Variants in BMPR1A observed in about 807,000 individuals in gnomAD.
BMPR1A encodes the protein bone morphogenetic protein receptor type 1A, also known as bone morphogenetic protein receptor type-1A.
A neutral mutation model predicts 66.0 loss-of-function variants in BMPR1A; 7 were observed. The observed-to-expected ratio is 0.11, with a 90% CI of 0.06 to 0.20. The LOEUF is 0.20. Among genes scored for constraint, BMPR1A ranks in the 10% least tolerant of loss-of-function variants. The probability of loss-of-function intolerance (pLI) is 1.00; values close to 1 mark genes in which losing one functional copy is unlikely to be tolerated. For synonymous variants in BMPR1A, 200 were observed against 229.7 expected, an observed-to-expected ratio of 0.87 and a Z score of 1.17; for missense variants, 408 against 669.1, an observed-to-expected ratio of 0.61 and a Z score of 4.31.
In BMPR1A at chr10:86,782,163, C is replaced by A. The variant is rs112071810; in HGVS notation, c.-268+25244C>A. On this transcript the variant is annotated intron_variant, in intron 1 of 12. Coordinates refer to ENST00000372037, the MANE Select transcript of BMPR1A (RefSeq NM_004329.3). The stretch of plus-strand genomic sequence containing the variant: ...CAGGTGTGAGCCATCATGCCAGGTC[C>A]AGGATTTCTTTAGGGCTGAATAATA... Among the ~76,000 whole-genome samples, 1,052 of 152,182 alleles carry A rather than the reference C, an allele frequency of 6.9e-3. 13 individuals carry two copies. Among genetic ancestry groups the A allele is most frequent in the African/African-American group, 0.024 (998 of 41,552 alleles).
intron 2 of BMPR1A, among the ~76,000 whole-genome samples, chr10:86,867,430 T>A (rs997109674): frequency 6.6e-6 from 1 of 152,218 alleles, no homozygotes; most frequent in Non-Finnish European, 1.5e-5. Context: ...CTGCAATAAC[T>A]GATTCACTTC....
At chr10:86,797,063 C>CTTT in intron 1 of BMPR1A, among the ~76,000 whole-genome samples, 1 of 113,976 alleles carries the variant, frequency 8.8e-6, no homozygotes, top group Admixed American at 9.3e-5. Context: ...TTTTTCTTTT[C>CTTT]TTTTCTTTTT....
At chr10:86,899,135 G>C (rs893685953) in intron 5 of BMPR1A, among the ~76,000 whole-genome samples, 1 of 152,164 alleles carries the variant, frequency 6.6e-6, no homozygotes, top group Admixed American at 6.5e-5. Context: ...TTCTCCCCAG[G>C]CTGCAGCATT....
chr10:86,834,352 C>A (rs1358536406), intron 1 of BMPR1A, among the ~76,000 whole-genome samples: 2 of 152,140 alleles, frequency 1.3e-5, no homozygotes, highest in Non-Finnish European at 2.9e-5. Flanking sequence ...TGAGTTGTTA[C>A]TATTCAATAC....
intron 6 of BMPR1A, 22 bp downstream of exon 6, chr10:86,899,912 G>A (rs1843284191): frequency 3.7e-6 from 6 of 1,611,474 alleles, no homozygotes; most frequent in Admixed American, 1.7e-5. Context: ...GAGAAAAGTC[G>A]GAGCATGCTT....
At chr10:86,814,824 C>T (rs1019629382) in intron 1 of BMPR1A, among the ~76,000 whole-genome samples, 13 of 151,920 alleles carry the variant, frequency 8.6e-5, no homozygotes, top group Non-Finnish European at 1.5e-4. Context: ...CTTACTCTGT[C>T]GCCTGGGCTG....
intron 2 of BMPR1A, among the ~76,000 whole-genome samples, chr10:86,853,835 G>A (rs1217624818): frequency 6.6e-6 from 1 of 152,184 alleles, no homozygotes; most frequent in African/African-American, 2.4e-5. Flanking sequence ...TGGAGGCAGG[G>A]CGAGATCACA....
chr10:86,893,225 G>A (rs1033504303), intron 5 of BMPR1A, among the ~76,000 whole-genome samples: 1 of 152,122 alleles, frequency 6.6e-6, no homozygotes, highest in Non-Finnish European at 1.5e-5. Flanking sequence ...AAACTCTAGG[G>A]TAACCACTAA....
chr10:86,798,223 G>C (rs1321699766), intron 1 of BMPR1A, among the ~76,000 whole-genome samples: 1 of 151,780 alleles, frequency 6.6e-6, no homozygotes, highest in Admixed American at 6.6e-5. Context: ...AGCTTTTGTA[G>C]CTTACTACCG....
In BMPR1A at chr10:86,799,514, T is replaced by C. The variant is rs868175381; in HGVS notation, c.-267-39351T>C. Among the ~76,000 whole-genome samples the C allele has an allele frequency of 3.0e-3, 408 of 137,262 alleles. 1 individual carries two copies. Among genetic ancestry groups the C allele is most frequent in the South Asian group, 4.6e-3 (21 of 4,598 alleles). 90.0% of individuals were successfully genotyped at this position (137,262 alleles called of 152,430 possible). ...CCTTCCTTCCTTCCTTCCTTTCTTTTCTTTTCTTTTCTTTTCTTTCTTTTC... is the reference window on the plus strand; with the variant it reads ...CCTTCCTTCCTTCCTTCCTTTCTTTCCTTTTCTTTTCTTTTCTTTCTTTTC... On this transcript the variant is annotated intron_variant, in intron 1 of 12. Coordinates refer to ENST00000372037, the MANE Select transcript of BMPR1A (RefSeq NM_004329.3).
At chr10:86,764,207 A>G (rs1841126485) in intron 1 of BMPR1A, among the ~76,000 whole-genome samples, 1 of 152,046 alleles carries the variant, frequency 6.6e-6, no homozygotes, top group East Asian at 1.9e-4. Context: ...AGTGTTTTAA[A>G]TTTGTATATA....
chr10:86,832,719 G>T (rs1485232103), intron 1 of BMPR1A, among the ~76,000 whole-genome samples: 1 of 152,092 alleles, frequency 6.6e-6, no homozygotes, highest in Non-Finnish European at 1.5e-5. Flanking sequence ...TGTCTTTGAG[G>T]CTCATGTATG....
intron 1 of BMPR1A, among the ~76,000 whole-genome samples, chr10:86,769,059 A>C (rs1336390621): frequency 6.6e-6 from 1 of 152,198 alleles, no homozygotes; most frequent in Non-Finnish European, 1.5e-5. Context: ...ATTAAATCTG[A>C]TCTTGTTGCT....
intron 1 of BMPR1A, among the ~76,000 whole-genome samples, chr10:86,781,890 T>A (rs1199621241): frequency 8.4e-6 from 1 of 118,730 alleles, no homozygotes; most frequent in African/African-American, 3.4e-5. Context: ...TGAGATGGAG[T>A]CTCACTCTGT....
chr10:86,773,681 A>C (rs1189795173), intron 1 of BMPR1A, among the ~76,000 whole-genome samples: 1 of 151,814 alleles, frequency 6.6e-6, no homozygotes, highest in Non-Finnish European at 1.5e-5. Flanking sequence ...AAAGAATGGA[A>C]TCTAAACACT....
At chr10:86,778,579 T>A (rs1289320149) in intron 1 of BMPR1A, among the ~76,000 whole-genome samples, 1 of 152,172 alleles carries the variant, frequency 6.6e-6, no homozygotes, top group African/African-American at 2.4e-5. Context: ...TCTTAAACAT[T>A]TATAATTTCT....
At chr10:86,855,151 A>T in intron 2 of BMPR1A, 1 of 405,208 alleles carries the variant, frequency 2.5e-6, no homozygotes, top group Non-Finnish European at 4.4e-6. Flanking sequence ...CGAACTCCTG[A>T]CATCAGGTGA....
At chr10:86,872,413 G>A (rs1487474829) in intron 2 of BMPR1A, among the ~76,000 whole-genome samples, 1 of 152,104 alleles carries the variant, frequency 6.6e-6, no homozygotes, top group Non-Finnish European at 1.5e-5. Context: ...AGACCTCCTT[G>A]ATTTTAATTA....
chr10:86,809,613 C>T (rs78633332), intron 1 of BMPR1A, among the ~76,000 whole-genome samples: 779 of 105,002 alleles, frequency 7.4e-3, no homozygotes, highest in East Asian at 9.0e-3. Context: ...TTTTTTTTTT[C>T]TCTTTTTTCT....
Sources: gnomAD v4.1 joint callset for allele counts (sites outside exome capture counted in the v4.1 genomes callset) on GRCh38, gnomAD v4.1.1 for gene constraint, MANE v1.5 for transcripts, NCBI Gene and HGNC (gene_info 2026-07-23, HGNC 2026-07-21) for gene names.